Variants in CYP4F8 observed in about 807,000 individuals in gnomAD.
CYP4F8 encodes the protein cytochrome P450 4F8.
Under a neutral mutation model 55.0 loss-of-function variants are expected in CYP4F8, and 56 were observed. The ratio of observed to expected loss-of-function variants is 1.02; its 90% CI spans 0.82 to 1.27. CYP4F8 has a LOEUF of 1.27. Among genes scored for constraint, CYP4F8 ranks in the 50% most tolerant of loss-of-function variants. The pLI, the probability that CYP4F8 is intolerant of heterozygous loss-of-function variation, is 0.00. For synonymous variants in CYP4F8, 288 were observed against 267.3 expected (o/e 1.08, Z -0.76); for missense variants, 680 against 682.4 (o/e 1.00, Z 0.04).
Position 15,624,060 on chromosome 19 carries a change from C to T in CYP4F8, c.1081C>T (p.Leu361Phe). 6.2e-7 allele frequency: 1 copy of T among 1,614,160 alleles called. No homozygotes were observed. ...ACGCTGCCGGCAGGAGGTGCAAGAGCTTCTGAAGGACCGTGAGCCTAAAGA... is the reference window on the plus strand; with the variant it reads ...ACGCTGCCGGCAGGAGGTGCAAGAGTTTCTGAAGGACCGTGAGCCTAAAGA... ...QERCRQEVQE[L>F]LKDREPKEIE... Residue 361 changes from leucine to phenylalanine, a missense_variant, in exon 9 of 13, where the codon CTT becomes TTT. Coordinates refer to ENST00000612078, the MANE Select transcript of CYP4F8 (RefSeq NM_007253.4).
chr19:15,624,616 A>G (rs1001073992), intron 9 of CYP4F8, among the ~76,000 whole-genome samples: 2 of 152,226 alleles, frequency 1.3e-5, no homozygotes, highest in Non-Finnish European at 2.9e-5. Context: ...GCTGAGCCAA[A>G]GACCATTTGA....
intron 7 of CYP4F8, 78 bp from the exon 8 acceptor site, chr19:15,623,621 A>G (rs1213077478): frequency 2.0e-6 from 3 of 1,526,178 alleles, no homozygotes; most frequent in African/African-American, 2.8e-5. Flanking sequence ...TCCTTCTGGG[A>G]TAATGGGTCT....
rs963061750 is a variant in CYP4F8 at position 15,628,006 on chromosome 19, G to A, written c.1116-296G>A. On this transcript the variant is annotated intron_variant, in intron 9 of 12. Coordinates refer to ENST00000612078, the MANE Select transcript of CYP4F8 (RefSeq NM_007253.4). Reference sequence around the variant, plus strand: ...ACTCCTGACCTCAAGTGATCCTCCTGCCTCAGGCTTCCAAAGTGCTGGGAT... The same window carrying A: ...ACTCCTGACCTCAAGTGATCCTCCTACCTCAGGCTTCCAAAGTGCTGGGAT... 9 of 369,856 alleles carry A rather than the reference G, an allele frequency of 2.4e-5. No homozygotes were observed. In the Admixed American group the frequency reaches 2.7e-4, roughly 11 times the overall value. The allele number at this position is 369,856 out of a possible 1,614,324, so 22.9% of individuals were successfully genotyped here. A position where few individuals can be genotyped will look rare whatever the true frequency, so the allele number is the denominator to read the frequency against.
chr19:15,625,466 T>C (rs1319859818), intron 9 of CYP4F8, among the ~76,000 whole-genome samples: 2 of 150,932 alleles, frequency 1.3e-5, no homozygotes, highest in African/African-American at 2.4e-5. Context: ...TAAAACCATA[T>C]ATATATATGC....
At chr19:15,623,481 G>T (rs1385145636) in intron 7 of CYP4F8, 106 bp downstream of exon 7, 11 of 1,508,054 alleles carry the variant, frequency 7.3e-6, no homozygotes, top group Non-Finnish European at 9.8e-6. Flanking sequence ...AGCCATGGAA[G>T]GTGCTCGAAG....
chr19:15,623,533 A>G, intron 7 of CYP4F8, 158 bp downstream of exon 7: 1 of 1,025,488 alleles, frequency 9.8e-7, no homozygotes, highest in East Asian at 2.6e-5. Flanking sequence ...GTGATTGCAT[A>G]GAAAGCTTCC....
chr19:15,622,452 G>T (rs1401143584), intron 6 of CYP4F8, 112 bp downstream of exon 6: 22 of 1,419,234 alleles, frequency 1.6e-5, no homozygotes, highest in Non-Finnish European at 4.8e-6. Context: ...ATGAGAACTA[G>T]GCATTGAAGG....
chr19:15,621,009 G>A (rs1972186785), intron 5 of CYP4F8, among the ~76,000 whole-genome samples: 1 of 152,168 alleles, frequency 6.6e-6, no homozygotes, highest in Admixed American at 6.6e-5. Context: ...CAAGTGGCAT[G>A]TGCATCTTGT....
intron 2 of CYP4F8, among the ~76,000 whole-genome samples, chr19:15,616,236 C>T (rs112341968): frequency 9.6e-3 from 489 of 51,114 alleles, no homozygotes; most frequent in East Asian, 0.018. Context: ...CTCTCCTCAC[C>T]CACTCATTCC....
At position 15,629,230 on chromosome 19, in the gene CYP4F8, A is replaced by G; in HGVS notation, c.1435A>G (p.Lys479Glu). The change falls in exon 13 of 13, where the codon AAG (lysine) becomes GAG (glutamate). Residue 479 changes from lysine to glutamate, a missense_variant. Transcript: ENST00000612078. Reference sequence around the variant, plus strand: ...GCAGAAGTTCGCGATGGCAGAGATGAAGGTGGTCCTGGCGCTCACGCTGCT... The same window carrying G: ...GCAGAAGTTCGCGATGGCAGAGATGGAGGTGGTCCTGGCGCTCACGCTGCT... ...IGQKFAMAEMKVVLALTLLRF... is the reference protein window; with the variant it reads ...IGQKFAMAEMEVVLALTLLRF... 1 of 1,612,884 alleles carries G rather than the reference A, an allele frequency of 6.2e-7. No homozygotes were observed. Among genetic ancestry groups the G allele is most frequent in the Non-Finnish European group, 8.5e-7 (1 of 1,179,556 alleles).
At chr19:15,627,836 G>A (rs60921772) in intron 9 of CYP4F8, 24,288 of 159,384 alleles carry the variant, frequency 0.15, 1,935 homozygotes, top group Middle Eastern at 0.21. Flanking sequence ...TCGGCTCACT[G>A]CAACCTCTGC....
intron 2 of CYP4F8, among the ~76,000 whole-genome samples, chr19:15,617,271 C>T (rs967779925): frequency 6.6e-5 from 10 of 152,130 alleles, no homozygotes; most frequent in Non-Finnish European, 5.9e-5. Context: ...TCCCCCTGTT[C>T]CCTGGGATGT....
chr19:15,628,964 G>A (rs1379114560), intron 12 of CYP4F8, 121 bp downstream of exon 12: 4 of 1,311,608 alleles, frequency 3.0e-6, no homozygotes, highest in Non-Finnish European at 4.1e-6. Context: ...GAAGATCCTA[G>A]GAAAAAGGGT....
At chr19:15,617,527 TATCTATCA>T (rs1276277965) in intron 2 of CYP4F8, among the ~76,000 whole-genome samples, 15 of 149,616 alleles carry the variant, frequency 1.0e-4, no homozygotes, top group African/African-American at 3.7e-4. Context: ...TCTATCTATC[TATCTATCA>T]GTCCGTCTGT....
rs769785131 is a variant in CYP4F8, at chr19:15,628,557, G to A, written c.1276G>A (p.Ala426Thr). The change falls in exon 11 of 13, where the codon GCA becomes ACA. Residue 426 changes from alanine to threonine, a missense_variant. Ala to Thr is a moderately conservative substitution (Grantham distance 58, BLOSUM62 0). Coordinates refer to ENST00000612078, the MANE Select transcript of CYP4F8 (RefSeq NM_007253.4). The part of the protein sequence containing the change: ...KGNVCNINIF[A>T]IHHNPSVWPD... ...GAATGTCTGTAACATCAACATCTTC[G>A]CAATCCATCACAACCCCTCAGTCTG... The A allele has an allele frequency of 3.7e-6, 6 of 1,613,706 alleles. No homozygotes were observed. The highest frequency in any genetic ancestry group is 1.3e-5 in the African/African-American group (1 of 74,868).
intron 9 of CYP4F8, among the ~76,000 whole-genome samples, chr19:15,626,401 G>T (rs772795808): frequency 6.6e-6 from 1 of 152,170 alleles, no homozygotes; most frequent in South Asian, 2.1e-4. Flanking sequence ...TTCTAGCCTC[G>T]AATAGATGTG....
In CYP4F8 at chr19:15,615,283, G is replaced by A. The variant is rs548255461; in HGVS notation, c.-2+3G>A. On this transcript the variant is annotated splice_donor_region_variant and intron_variant, in intron 1 of 12. Transcript: ENST00000612078. ...GGACAACCTTCTCCTGACAGAAGGT[G>A]CCAGGCTGGGGGTGGCAGGGCTGGA... 9 of 202,964 alleles carry A rather than the reference G, an allele frequency of 4.4e-5. No individual in the cohort carries two copies. Among genetic ancestry groups the A allele is most frequent in the Non-Finnish European group, 7.9e-5 (8 of 100,924 alleles). 12.6% of individuals were successfully genotyped at this position (202,964 alleles called of 1,614,324 possible).
intron 5 of CYP4F8, 83 bp downstream of exon 5, chr19:15,619,845 C>A: frequency 6.5e-7 from 1 of 1,539,788 alleles, no homozygotes. Context: ...GTTGGCTCTC[C>A]TGGGTGGGTT....
Position 15,628,290 on chromosome 19 carries a change from G to A in CYP4F8, c.1116-12G>A. 6.2e-7 allele frequency: 1 copy of A among 1,613,940 alleles called. No homozygotes were observed. Among genetic ancestry groups the A allele is most frequent in the Non-Finnish European group, 8.5e-7 (1 of 1,179,970 alleles). ...TGTATGCTCTCTGGATAATTGTTGG[G>A]TGTTTCCTTAGGGACGACCTGGCCC... On this transcript the variant is annotated splice_polypyrimidine_tract_variant and intron_variant, in intron 9 of 12. Coordinates refer to ENST00000612078, the MANE Select transcript of CYP4F8 (RefSeq NM_007253.4).
Sources: gnomAD v4.1 joint callset for allele counts (sites outside exome capture counted in the v4.1 genomes callset) on GRCh38, gnomAD v4.1.1 for gene constraint, MANE v1.5 for transcripts, NCBI Gene and HGNC (gene_info 2026-07-23, HGNC 2026-07-21) for gene names.